The following TENM3 variants were observed in gnomAD, a reference collection of about 807,000 sequenced individuals.
The protein encoded by TENM3 is teneurin-3.
Under a neutral mutation model 255.1 loss-of-function variants are expected in TENM3, and 63 were observed. The ratio of observed to expected loss-of-function variants is 0.25; its 90% CI spans 0.20 to 0.30. The LOEUF is 0.30. TENM3 is among the 10% of genes least tolerant of loss of function. The pLI is 1.00. For missense variants in TENM3, 2,929 were observed against 3,461.1 expected (o/e 0.85, Z 3.86); for synonymous variants, 1,306 against 1,322.3 (o/e 0.99, Z 0.27).
Position 182,799,995 on chromosome 4 carries a change from TC to T in TENM3, c.7746del (p.Thr2583ProfsTer4). On this transcript the variant is annotated frameshift_variant, in exon 28 of 28. Coordinates refer to ENST00000511685, the MANE Select transcript of TENM3 (RefSeq NM_001080477.4). LOFTEE classifies it high-confidence loss of function. This position sits in a 1 kb window ranked among gnomAD's most constrained non-coding sequence, Gnocchi z 4.2. ...CGGCATCAACGTGACGGTGTCGCAG[TC>T]CACCACGGTGGTGAACGGCAGGACG... ...ENGINVTVSQ[S>X]TTVVNGRTRR... The T allele has an allele frequency of 6.3e-7, 1 of 1,592,888 alleles. No individual in the cohort carries two copies. The highest frequency in any genetic ancestry group is 8.5e-7 in the Non-Finnish European group (1 of 1,170,544).
At chr4:181,783,259 T>A in the TENM3 span, among the ~76,000 whole-genome samples, 1 of 152,114 alleles carries the variant, frequency 6.6e-6, no homozygotes, top group South Asian at 2.1e-4. Context: ...GGAGTCTAAG[T>A]CTCTTTGTAG....
At chr4:181,700,190 G>T in the TENM3 span, among the ~76,000 whole-genome samples, 1 of 151,380 alleles carries the variant, frequency 6.6e-6, no homozygotes, top group Admixed American at 6.6e-5. Flanking sequence ...TGAAGTGAAC[G>T]TCAGCATTTC....
At chr4:182,011,811 A>G in the TENM3 span, among the ~76,000 whole-genome samples, 12 of 152,168 alleles carry the variant, frequency 7.9e-5, no homozygotes, top group Admixed American at 2.6e-4. Context: ...ACTGCTGCAA[A>G]CAATAGATTA....
chr4:181,898,803 T>C, the TENM3 span, among the ~76,000 whole-genome samples: 2 of 152,146 alleles, frequency 1.3e-5, no homozygotes, highest in Non-Finnish European at 2.9e-5. Context: ...TATTTCAAAA[T>C]TTTTACCATT....
the TENM3 span, among the ~76,000 whole-genome samples, chr4:181,861,580 CT>C: frequency 6.6e-6 from 1 of 151,934 alleles, no homozygotes; most frequent in Non-Finnish European, 1.5e-5. Flanking sequence ...CTTTTTCTTT[CT>C]TTTTTCTTTC....
chr4:182,301,429 A>G (rs1196076146), intron 1 of TENM3, among the ~76,000 whole-genome samples: 1 of 152,232 alleles, frequency 6.6e-6, no homozygotes, highest in African/African-American at 2.4e-5. Context: ...AGCACAAGGT[A>G]CGGTTTTGAC....
chr4:182,224,436 G>T (rs1399053875), intron 1 of TENM3, among the ~76,000 whole-genome samples: 2 of 152,162 alleles, frequency 1.3e-5, no homozygotes, highest in African/African-American at 4.8e-5. Context: ...TCTGTCAAAG[G>T]TAATCCTCCC....
At chr4:181,531,497 G>T in the TENM3 span, among the ~76,000 whole-genome samples, 1 of 152,134 alleles carries the variant, frequency 6.6e-6, no homozygotes, top group Non-Finnish European at 1.5e-5. Context: ...AAGGCTCCAT[G>T]ACATTATATT....
chr4:182,277,313 TG>T (rs1006423598), intron 1 of TENM3, among the ~76,000 whole-genome samples: 5 of 151,786 alleles, frequency 3.3e-5, no homozygotes, highest in Non-Finnish European at 5.9e-5. Flanking sequence ...AGAAACCTTA[TG>T]TTAGGCAAGT....
chr4:181,756,241 A>G, the TENM3 span, among the ~76,000 whole-genome samples: 1 of 152,192 alleles, frequency 6.6e-6, no homozygotes, highest in Admixed American at 6.6e-5. Flanking sequence ...CTAGTGAAAC[A>G]GTGGAAGGGT....
intron 3 of TENM3, among the ~76,000 whole-genome samples, chr4:182,483,319 A>G (rs1292877761): frequency 2.0e-5 from 3 of 152,188 alleles, no homozygotes; most frequent in Admixed American, 6.5e-5. Context: ...ATGTAACAGT[A>G]CCATTTTCCA....
intron 22 of TENM3, among the ~76,000 whole-genome samples, chr4:182,763,035 A>G (rs916834509): frequency 6.6e-6 from 1 of 152,132 alleles, no homozygotes; most frequent in Admixed American, 6.5e-5. Context: ...GTAAAGAAAT[A>G]CTCCTTTGTA....
At chr4:182,727,935 A>G (rs1292777484) in intron 13 of TENM3, among the ~76,000 whole-genome samples, 2 of 148,458 alleles carry the variant, frequency 1.3e-5, no homozygotes, top group Non-Finnish European at 3.0e-5. Context: ...ATCTCAGCTC[A>G]CTACAACCTC....
At chr4:181,849,560 T>C in the TENM3 span, among the ~76,000 whole-genome samples, 1 of 152,274 alleles carries the variant, frequency 6.6e-6, no homozygotes, top group South Asian at 2.1e-4. Flanking sequence ...CTAAAAAGCA[T>C]TATAGTATTT....
At chr4:182,116,643 C>A in the TENM3 span, among the ~76,000 whole-genome samples, 5 of 152,184 alleles carry the variant, frequency 3.3e-5, no homozygotes, top group African/African-American at 1.2e-4. Context: ...TCAATTAAGC[C>A]TCTTTCCTTT....
At chr4:182,411,487 G>A (rs1280726520) in intron 3 of TENM3, among the ~76,000 whole-genome samples, 1 of 152,146 alleles carries the variant, frequency 6.6e-6, no homozygotes, top group African/African-American at 2.4e-5. Flanking sequence ...ACTTCAGTTT[G>A]CAAAAGAAAC....
intron 13 of TENM3, among the ~76,000 whole-genome samples, chr4:182,719,959 G>GCTGAGGTGGGAGGATCACCTGAGC (rs1477420095): frequency 2.0e-5 from 3 of 152,042 alleles, no homozygotes; most frequent in African/African-American, 7.2e-5. Flanking sequence ...TACTCAGGAG[G>GCTGAGGTGGGAGGATCACCTGAGC]CTGAGGTGGG....
At chr4:181,522,581 T>G in the TENM3 span, 1 of 416,462 alleles carries the variant, frequency 2.4e-6, no homozygotes, top group Non-Finnish European at 4.5e-6. Flanking sequence ...GCCAGTAAAT[T>G]TGGAGAAATA....
chr4:182,387,937 C>CAAAA (rs5864781), intron 3 of TENM3, among the ~76,000 whole-genome samples: 14 of 136,738 alleles, frequency 1.0e-4, no homozygotes, highest in African/African-American at 3.5e-4. Context: ...GTGATAATTG[C>CAAAA]AAAAAAAAAA....
Sources: allele counts gnomAD v4.1 joint callset (sites outside exome capture counted in the v4.1 genomes callset), GRCh38; gene constraint gnomAD v4.1.1; non-coding constraint Gnocchi (gnomAD v3.1); transcripts MANE v1.5; gene names NCBI Gene and HGNC (gene_info 2026-07-23, HGNC 2026-07-21).